Variants in ARID4A observed in about 807,000 individuals in gnomAD.
ARID4A encodes AT-rich interaction domain 4A.
A neutral mutation model predicts 148.6 loss-of-function variants in ARID4A; 39 were observed. The ratio of observed to expected loss-of-function variants is 0.26; its 90% CI spans 0.20 to 0.34. ARID4A has a LOEUF of 0.34. ARID4A is among the 10% of genes least tolerant of loss of function. The pLI is 1.00. For missense variants in ARID4A, 1,265 were observed against 1,449.1 expected, an observed-to-expected ratio of 0.87 and a Z score of 2.06; for synonymous variants, 475 against 481.2, an observed-to-expected ratio of 0.99 and a Z score of 0.17.
rs758927898 is a variant in ARID4A, at chr14:58,350,100, T to TAAAAAAAAAAAAAAAAAAAA, written c.1405-967_1405-948dup. Among the ~76,000 whole-genome samples, 2 of 83,810 alleles carry TAAAAAAAAAAAAAAAAAAAA rather than the reference T, an allele frequency of 2.4e-5. 1 individual carries two copies. The allele number at this position is 83,810 out of a possible 152,430, so 55.0% of individuals were successfully genotyped here. A position where few individuals can be genotyped will look rare whatever the true frequency, so the allele number is the denominator to read the frequency against. On this transcript the variant is annotated intron_variant, in intron 15 of 23. Transcript: ENST00000355431. ...CTGGCAACAGAGCGAGACTCTGTCTTAAAAAAAAAAAAAAAAAAAAAAAAA... is the reference window on the plus strand; with the variant it reads ...CTGGCAACAGAGCGAGACTCTGTCTTAAAAAAAAAAAAAAAAAAAAAAAAAAAAAAAAAAAAAAAAAAAAA...
intron 1 of ARID4A, among the ~76,000 whole-genome samples, 181 bp downstream of exon 1, chr14:58,298,881 G>A (rs925714841): frequency 2.0e-5 from 3 of 152,174 alleles, no homozygotes; most frequent in Non-Finnish European, 4.4e-5. Context: ...GCAACTGCAG[G>A]AACCGCCGCC....
intron 23 of ARID4A, among the ~76,000 whole-genome samples, chr14:58,369,459 C>G (rs1235562452): frequency 6.6e-6 from 1 of 151,850 alleles, no homozygotes; most frequent in African/African-American, 2.4e-5. Context: ...AACCCTGTCT[C>G]TACTAAAACT....
In ARID4A at chr14:58,337,248, A is replaced by ATATATATATATATATATATATATATATG. The variant is rs755099291; in HGVS notation, c.906+7099_906+7100insTATATATGTATATATATATATATATATA. Reference sequence around the variant, plus strand: ...ATCTCCTAGAACCTTCTCTTTATTTATATATATATATATATATATAATTAA... The same window carrying ATATATATATATATATATATATATATATG: ...ATCTCCTAGAACCTTCTCTTTATTTATATATATATATATATATATATATATATGTATATATATATATATATATAATTAA... On this transcript the variant is annotated intron_variant, in intron 11 of 23. Coordinates refer to ENST00000355431, the MANE Select transcript of ARID4A (RefSeq NM_002892.4). Among the ~76,000 whole-genome samples, 13 of 119,466 alleles carry ATATATATATATATATATATATATATATG rather than the reference A, an allele frequency of 1.1e-4. 1 individual carries two copies. Among genetic ancestry groups the ATATATATATATATATATATATATATATG allele is most frequent in the Non-Finnish European group, 2.1e-4 (12 of 58,278 alleles). The allele number at this position is 119,466 out of a possible 152,430, so 78.4% of individuals were successfully genotyped here. A position where few individuals can be genotyped will look rare whatever the true frequency, so the allele number is the denominator to read the frequency against.
intron 11 of ARID4A, among the ~76,000 whole-genome samples, chr14:58,341,642 A>T (rs1446216565): frequency 2.0e-5 from 3 of 152,382 alleles, no homozygotes; most frequent in African/African-American, 7.2e-5. Context: ...ACAATCTCTG[A>T]TTCATGGTAA....
In ARID4A at chr14:58,329,607, A is replaced by G; in HGVS notation, c.739+3A>G. On this transcript the variant is annotated splice_donor_region_variant and intron_variant, in intron 10 of 23. Transcript: ENST00000355431. ...ATCTGAGCTCTCCACTAAACCAGGT[A>G]AAATAAAGATGAATTACCCTATTAT... The G allele has an allele frequency of 6.3e-7, 1 of 1,587,146 alleles. No individual in the cohort carries two copies. The highest frequency in any genetic ancestry group is 8.7e-7 in the Non-Finnish European group (1 of 1,155,754).
intron 17 of ARID4A, among the ~76,000 whole-genome samples, chr14:58,355,255 C>T (rs530246244): frequency 1.3e-5 from 2 of 152,280 alleles, no homozygotes; most frequent in African/African-American, 4.8e-5. Flanking sequence ...CATCTCTACA[C>T]TGGGAAAAAT....
chr14:58,330,502 A>T (rs900729882), intron 11 of ARID4A, among the ~76,000 whole-genome samples: 4 of 152,192 alleles, frequency 2.6e-5, no homozygotes, highest in African/African-American at 9.6e-5. Flanking sequence ...TTAAACTACT[A>T]CCATATGAAG....
intron 17 of ARID4A, among the ~76,000 whole-genome samples, chr14:58,357,592 G>A (rs2034937583): frequency 6.9e-6 from 1 of 144,586 alleles, no homozygotes; most frequent in African/African-American, 2.5e-5. Context: ...TAAAACATGA[G>A]TTTTTTTTAT....
At chr14:58,342,577 T>C (rs1046622446) in intron 11 of ARID4A, among the ~76,000 whole-genome samples, 19 of 152,182 alleles carry the variant, frequency 1.2e-4, no homozygotes, top group Non-Finnish European at 4.4e-5. Context: ...CTTTTACATA[T>C]ATTGAATATA....
At chr14:58,339,843 GGAGAGAGAGA>G (rs35021584) in intron 11 of ARID4A, among the ~76,000 whole-genome samples, 13 of 142,390 alleles carry the variant, frequency 9.1e-5, no homozygotes, top group Admixed American at 4.2e-4. Context: ...CGTGGCAACA[GGAGAGAGAGA>G]GAGAGAGAGA....
intron 23 of ARID4A, among the ~76,000 whole-genome samples, chr14:58,367,863 T>TCC (rs555362721): frequency 8.8e-4 from 134 of 152,242 alleles, no homozygotes; most frequent in African/African-American, 3.0e-3. Context: ...ACTGTAACTG[T>TCC]CCCAGCAGAT....
Position 58,365,904 on chromosome 14 carries a change from T to C in ARID4A, c.3317-120T>C, listed in dbSNP as rs537856401. On this transcript the variant is annotated intron_variant, in intron 21 of 23. Transcript: ENST00000355431. ...TTGTTGTTTTTATATTGTTATAAAC[T>C]TTGTGCATTTGTGCACTTATTTCTG... The C allele has an allele frequency of 4.4e-6, 4 of 910,358 alleles. No individual in the cohort carries two copies. The African/African-American group carries it at 6.7e-5, about 15-fold the overall frequency. 56.4% of individuals were successfully genotyped at this position (910,358 alleles called of 1,614,324 possible).
At chr14:58,315,376 A>G (rs1176478284) in intron 5 of ARID4A, among the ~76,000 whole-genome samples, 3 of 152,186 alleles carry the variant, frequency 2.0e-5, no homozygotes, top group East Asian at 3.8e-4. Flanking sequence ...TATTTTGTTT[A>G]AAATGTTGAA....
chr14:58,334,436 A>G (rs370982571), intron 11 of ARID4A, among the ~76,000 whole-genome samples: 2 of 152,204 alleles, frequency 1.3e-5, no homozygotes, highest in Non-Finnish European at 2.9e-5. Flanking sequence ...ATCATCTCTT[A>G]TGTGAGCCCT....
At chr14:58,358,188 GC>G (rs913144235) in intron 17 of ARID4A, among the ~76,000 whole-genome samples, 21 of 152,186 alleles carry the variant, frequency 1.4e-4, no homozygotes, top group Middle Eastern at 3.4e-3. Flanking sequence ...TAAAAAAATT[GC>G]CGGGTCCAGT....
intron 17 of ARID4A, among the ~76,000 whole-genome samples, chr14:58,358,931 T>C (rs2035008501): frequency 6.6e-6 from 1 of 152,174 alleles, no homozygotes. Flanking sequence ...TGCCTTTCCC[T>C]AGTGAGTATA....
At chr14:58,301,799 A>C in intron 3 of ARID4A, 109 bp downstream of exon 3, 1 of 652,180 alleles carries the variant, frequency 1.5e-6, no homozygotes, top group Non-Finnish European at 2.5e-6. Context: ...AAAACCCTTT[A>C]TATACCAAAC....
Position 58,361,043 on chromosome 14 carries a change from G to A in ARID4A, c.2080+1G>A. The A allele has an allele frequency of 6.2e-7, 1 of 1,612,938 alleles. No homozygotes were observed. The highest frequency in any genetic ancestry group is 2.2e-5 in the East Asian group (1 of 44,844). On this transcript the variant is annotated splice_donor_variant, in intron 19 of 23. Transcript: ENST00000355431. LOFTEE classifies it high-confidence loss of function. ...ACAGCAAACAGTGAAGGAAAATCAG[G>A]TACCAGAAGTGCTCGCAGCAATATA...
chr14:58,299,706 C>T (rs866088041), intron 1 of ARID4A, 92 bp from the exon 2 acceptor site: 2 of 1,108,434 alleles, frequency 1.8e-6, no homozygotes, highest in Non-Finnish European at 2.7e-6. Context: ...GGATTCTGCC[C>T]CTCCCCGCTG....
Sources: gnomAD v4.1 joint callset for allele counts (sites outside exome capture counted in the v4.1 genomes callset) on GRCh38, gnomAD v4.1.1 for gene constraint, MANE v1.5 for transcripts, NCBI Gene and HGNC (gene_info 2026-07-23, HGNC 2026-07-21) for gene names.